Variants in MAGI3 observed in about 807,000 individuals in gnomAD.
The protein encoded by MAGI3 is membrane associated guanylate kinase, WW and PDZ domain containing 3, also known as membrane-associated guanylate kinase, WW and PDZ domain-containing protein 3.
In MAGI3, 43 loss-of-function variants were observed where a neutral mutation model predicts 121.8. The observed-to-expected ratio is 0.35, with a 90% confidence interval of 0.28 to 0.46. The LOEUF is 0.46. Ranked by LOEUF, MAGI3 falls within the 20% of genes least tolerant of loss-of-function variation. The probability of loss-of-function intolerance (pLI) is 1.00; values close to 1 mark genes in which losing one functional copy is unlikely to be tolerated. For synonymous variants in MAGI3, 553 were observed against 639.3 expected (o/e 0.86, Z 2.04); for missense variants, 1,547 against 1,797.3 (o/e 0.86, Z 2.52).
chr1:113,598,384 T>G (rs1315572692), intron 6 of MAGI3, among the ~76,000 whole-genome samples: 1 of 152,172 alleles, frequency 6.6e-6, no homozygotes, highest in African/African-American at 2.4e-5. Flanking sequence ...AGAAGAAGAT[T>G]GGCAGAATGG....
rs555783658 is a variant in MAGI3, at chr1:113,390,861, G to A, written c.-173G>A. 2 of 320,998 alleles carry A rather than the reference G, an allele frequency of 6.2e-6. No individual in the cohort carries two copies. Among genetic ancestry groups the A allele is most frequent in the African/African-American group, 4.4e-5 (2 of 45,052 alleles). 19.9% of individuals were successfully genotyped at this position (320,998 alleles called of 1,614,324 possible). A position where few individuals can be genotyped will look rare whatever the true frequency, so the allele number is the denominator to read the frequency against. ...GAGGGGCGTCCAAGGGGCGTCTCGC[G>A]TCTGGGAACGGCCGGGCCCCCAGCG... On this transcript the variant is annotated 5_prime_UTR_variant, in exon 1 of 21. Coordinates refer to ENST00000307546, the MANE Select transcript of MAGI3 (RefSeq NM_001142782.2).
Position 113,642,308 on chromosome 1 carries a change from A to C in MAGI3, c.1758A>C (p.Lys586Asn). Residue 586 changes from lysine (K) to asparagine (N), a missense_variant, in exon 10 of 21, where the codon AAA becomes AAC. Coordinates refer to ENST00000307546, the MANE Select transcript of MAGI3 (RefSeq NM_001142782.2). ...CTATCCCTTTGATTAAGGGCCCTAA[A>C]GGGTTTGGGTTTGCAATTGCTGACA... ...LVTIPLIKGP[K>N]GFGFAIADSP... The C allele has an allele frequency of 6.2e-7, 1 of 1,614,084 alleles. No homozygotes were observed. Among genetic ancestry groups the C allele is most frequent in the Non-Finnish European group, 8.5e-7 (1 of 1,180,020 alleles).
At chr1:113,523,441 G>A (rs4546922) in intron 1 of MAGI3, among the ~76,000 whole-genome samples, 36,697 of 152,072 alleles carry the variant, frequency 0.24, 5,091 homozygotes, top group East Asian at 0.63. Context: ...GGCTTTGACC[G>A]AAATGCTGGT....
intron 1 of MAGI3, among the ~76,000 whole-genome samples, chr1:113,535,714 C>T (rs1000020687): frequency 3.9e-5 from 6 of 151,968 alleles, no homozygotes; most frequent in Non-Finnish European, 8.8e-5. Context: ...TACTTATTAC[C>T]GCACATCTCT....
intron 2 of MAGI3, among the ~76,000 whole-genome samples, chr1:113,562,991 G>A (rs1048255819): frequency 2.1e-4 from 32 of 152,106 alleles, no homozygotes; most frequent in Admixed American, 2.0e-3. Context: ...ACATGATTCT[G>A]ATTCTAAAAT....
chr1:113,605,912 C>A (rs1391339582), intron 6 of MAGI3, among the ~76,000 whole-genome samples: 1 of 150,958 alleles, frequency 6.6e-6, no homozygotes, highest in African/African-American at 2.4e-5. Flanking sequence ...TTTTTTTTTA[C>A]CATTAAAAGG....
At chr1:113,546,694 G>A (rs17013326) in intron 1 of MAGI3, among the ~76,000 whole-genome samples, 33,983 of 151,720 alleles carry the variant, frequency 0.22, 4,879 homozygotes, top group East Asian at 0.65. Flanking sequence ...GTTCGTCTCG[G>A]TGTTACATCC....
intron 14 of MAGI3, among the ~76,000 whole-genome samples, chr1:113,652,980 G>T (rs1450758440): frequency 6.6e-6 from 1 of 152,318 alleles, no homozygotes; most frequent in African/African-American, 2.4e-5. Flanking sequence ...AAGTTGAGGG[G>T]TGGAGGTTGG....
chr1:113,462,224 C>A (rs1655070737), intron 1 of MAGI3, among the ~76,000 whole-genome samples: 1 of 151,906 alleles, frequency 6.6e-6, no homozygotes, highest in South Asian at 2.1e-4. Context: ...TATACCCAGA[C>A]CAATATAAAT....
intron 1 of MAGI3, among the ~76,000 whole-genome samples, chr1:113,535,240 AG>A (rs1373013831): frequency 1.3e-5 from 2 of 152,182 alleles, no homozygotes; most frequent in Non-Finnish European, 1.5e-5. Context: ...TTAAAAGAAT[AG>A]GGGAAAAAAC....
At chr1:113,410,269 T>G (rs1475651125) in intron 1 of MAGI3, among the ~76,000 whole-genome samples, 1 of 152,084 alleles carries the variant, frequency 6.6e-6, no homozygotes. Flanking sequence ...GCCTCTTATA[T>G]TAGAAGAAGG....
rs138155838 is a variant in MAGI3, at chr1:113,477,050, C to CT, written c.317-72453dup. On this transcript the variant is annotated intron_variant, in intron 1 of 20. Coordinates refer to ENST00000307546, the MANE Select transcript of MAGI3 (RefSeq NM_001142782.2). The stretch of plus-strand genomic sequence containing the variant: ...ATCAGAGACTAGGGTTGCACCCCTG[C>CT]TTTTTTTTTTTTGCTTTCCATTTGC... Among the ~76,000 whole-genome samples the CT allele has an allele frequency of 3.3e-3, 482 of 144,778 alleles. 1 individual carries two copies. Among genetic ancestry groups the CT allele is most frequent in the African/African-American group, 8.4e-3 (329 of 39,362 alleles). 95.0% of individuals were successfully genotyped at this position (144,778 alleles called of 152,430 possible). A position where few individuals can be genotyped will look rare whatever the true frequency, so the allele number is the denominator to read the frequency against.
intron 1 of MAGI3, among the ~76,000 whole-genome samples, chr1:113,404,751 A>G (rs972062183): frequency 6.6e-6 from 1 of 152,150 alleles, no homozygotes. Context: ...ACGATGAGAA[A>G]AACCTAATGC....
In MAGI3 at chr1:113,659,285, G is replaced by C; in HGVS notation, c.2815+20G>C. On this transcript the variant is annotated intron_variant, in intron 16 of 20. Coordinates refer to ENST00000307546, the MANE Select transcript of MAGI3 (RefSeq NM_001142782.2). ...AAGAAGGTAAGGAGCCAGTAGACGC[G>C]CCTGCCCCAAGCTGATCTGAGAGGC... 6.2e-7 allele frequency: 1 copy of C among 1,610,402 alleles called. No individual in the cohort carries two copies. The highest frequency in any genetic ancestry group is 8.5e-7 in the Non-Finnish European group (1 of 1,179,170).
Position 113,651,050 on chromosome 1 carries a change from G to A in MAGI3, c.2284G>A (p.Glu762Lys). 1 of 1,614,166 alleles carries A rather than the reference G, an allele frequency of 6.2e-7. No homozygotes were observed. The highest frequency in any genetic ancestry group is 1.1e-5 in the South Asian group (1 of 91,068). Residue 762 changes from glutamate (E) to lysine (K), a missense_variant, in exon 14 of 21, where the codon GAG (glutamate) becomes AAG (lysine). Transcript: ENST00000307546. ...IGAIIPLGAA[E>K]KDGRLRAADE... ...GGCTATTATTCCCCTGGGAGCAGCTGAGAAAGATGGTCGGCTCCGCGCAGC... is the reference window on the plus strand; with the variant it reads ...GGCTATTATTCCCCTGGGAGCAGCTAAGAAAGATGGTCGGCTCCGCGCAGC...
intron 1 of MAGI3, among the ~76,000 whole-genome samples, chr1:113,402,807 C>T (rs1248696767): frequency 6.6e-6 from 1 of 152,074 alleles, no homozygotes; most frequent in African/African-American, 2.4e-5. Context: ...AAGAAGATGT[C>T]TCAGGCCACG....
At chr1:113,624,762 G>A (rs1255703966) in intron 9 of MAGI3, among the ~76,000 whole-genome samples, 1 of 152,170 alleles carries the variant, frequency 6.6e-6, no homozygotes, top group African/African-American at 2.4e-5. Flanking sequence ...GGCTTGTGGA[G>A]TATCACTGAA....
At chr1:113,554,453 T>TC (rs1359597663) in intron 2 of MAGI3, among the ~76,000 whole-genome samples, 27 of 151,962 alleles carry the variant, frequency 1.8e-4, no homozygotes, top group Non-Finnish European at 3.5e-4. Context: ...AGTGAACTTT[T>TC]TTTTTTTTGA....
At chr1:113,542,114 C>G (rs865976265) in intron 1 of MAGI3, among the ~76,000 whole-genome samples, 6 of 152,176 alleles carry the variant, frequency 3.9e-5, no homozygotes, top group East Asian at 1.9e-4. Context: ...GTAGTCCCCC[C>G]CTCCTTATTC....
Sources: gnomAD v4.1 joint callset for allele counts (sites outside exome capture counted in the v4.1 genomes callset) on GRCh38, gnomAD v4.1.1 for gene constraint, MANE v1.5 for transcripts, NCBI Gene and HGNC (gene_info 2026-07-23, HGNC 2026-07-21) for gene names.